The following INPPL1 variants were observed in gnomAD, a reference collection of about 807,000 sequenced individuals.
INPPL1 encodes phosphatidylinositol 3,4,5-trisphosphate 5-phosphatase 2.
INPPL1 carries 91 observed loss-of-function variants against 139.3 expected under a neutral mutation model. The observed-to-expected ratio is 0.65, with a 90% CI of 0.55 to 0.78. The LOEUF is 0.78. Among genes scored for constraint, INPPL1 ranks in the 30% least tolerant of loss-of-function variants. The pLI is 0.00. For missense variants in INPPL1, 1,411 were observed against 1,665.6 expected (o/e 0.85, Z 2.66); for synonymous variants, 719 against 686.6 (o/e 1.05, Z -0.74).
At chr11:72,229,334 A>G in intron 5 of INPPL1, 104 bp downstream of exon 5, 1 of 1,419,352 alleles carries the variant, frequency 7.0e-7, no homozygotes, top group East Asian at 2.3e-5. Flanking sequence ...TGAACAGTGA[A>G]CTAGCCATTG....
rs771090130 is a variant in INPPL1 at position 72,231,161 on chromosome 11, A to G, written c.1469A>G (p.Lys490Arg). ...EWLDLLRGGL[K>R]ELTDLDYRPI... is the part of the protein sequence containing the mutation. ...CTGGACCTACTGCGCGGGGGCCTCA[A>G]GGAGCTTACGGATCTGGATTACCGC... Residue 490 changes from lysine (K) to arginine (R), a missense_variant, in exon 12 of 28, where the codon AAG becomes AGG. Around this residue, in one of 5 missense-constraint regions of INPPL1, gnomAD observed 363 missense variants for 446.2 expected, o/e 0.81. Coordinates refer to ENST00000298229, the MANE Select transcript of INPPL1 (RefSeq NM_001567.4). 7 of 1,613,202 alleles carry G rather than the reference A, an allele frequency of 4.3e-6. No homozygotes were observed. In the African/African-American group the frequency reaches 6.7e-5, roughly 15 times the overall value.
chr11:72,225,071 G>A lies in INPPL1; in HGVS notation c.87G>A (p.Ala29=). The change falls in exon 1 of 28, where the codon GCG becomes GCA. Residue 29 remains alanine, a synonymous_variant. Coordinates refer to ENST00000298229, the MANE Select transcript of INPPL1 (RefSeq NM_001567.4). The part of the protein sequence containing the change: ...PSWYHRDLSR[A]AAEELLARAG... ...GGTACCACCGCGACCTGAGCCGGGC[G>A]GCCGCGGAGGAGCTGCTGGCCCGGG... 2 of 1,230,320 alleles carry A rather than the reference G, an allele frequency of 1.6e-6. No homozygotes were observed. Among genetic ancestry groups the A allele is most frequent in the Non-Finnish European group, 2.0e-6 (2 of 987,112 alleles). 76.2% of individuals were successfully genotyped at this position (1,230,320 alleles called of 1,614,324 possible). A position where few individuals can be genotyped will look rare whatever the true frequency, so the allele number is the denominator to read the frequency against.
At position 72,235,043 on chromosome 11, in the gene INPPL1, AG is replaced by A. The variant is rs3216093; in HGVS notation, c.2416-68del. On this transcript the variant is annotated intron_variant, in intron 21 of 27. Transcript: ENST00000298229. The surrounding 1 kb of genome is among the most constrained non-coding windows in gnomAD (Gnocchi z 4.9). ...CTGAGGGTGGGGATTGAGTGGTGTC[AG>A]GGGGCAGCGCGTAGGAGGGGCAGGA... 82,727 of 1,250,324 alleles carry A rather than the reference AG, an allele frequency of 0.066. 3,876 individuals carry two copies. Among genetic ancestry groups the A allele is most frequent in the African/African-American group, 0.21 (14,038 of 67,734 alleles). The allele number at this position is 1,250,324 out of a possible 1,614,324, so 77.5% of individuals were successfully genotyped here.
rs1949019432 is a variant in INPPL1, at chr11:72,237,438, T to C, written c.3194T>C (p.Leu1065Pro). Reference sequence around the variant, plus strand: ...CCACTGCCGGACTCAGCCATCTTCCTGCCCCCCAGCCTGGATCCTTTACCA... The same window carrying C: ...CCACTGCCGGACTCAGCCATCTTCCCGCCCCCCAGCCTGGATCCTTTACCA... ...PPPLPDSAIF[L>P]PPSLDPLPGP... Residue 1065 changes from leucine to proline, a missense_variant, in exon 26 of 28, where the codon CTG becomes CCG. Around this residue, in one of 5 missense-constraint regions of INPPL1, gnomAD observed 438 missense variants for 425.7 expected, o/e 1.03. Transcript: ENST00000298229. 1 of 1,610,686 alleles carries C rather than the reference T, an allele frequency of 6.2e-7. No homozygotes were observed. Among genetic ancestry groups the C allele is most frequent in the Non-Finnish European group, 8.5e-7 (1 of 1,177,842 alleles).
chr11:72,238,458 C>T lies in INPPL1; in HGVS notation c.*105C>T, dbSNP rs1949065575. The T allele has an allele frequency of 2.2e-6, 2 of 900,632 alleles. No homozygotes were observed. Among genetic ancestry groups the T allele is most frequent in the Non-Finnish European group, 1.6e-6 (1 of 623,650 alleles). The allele number at this position is 900,632 out of a possible 1,614,324, so 55.8% of individuals were successfully genotyped here. A position where few individuals can be genotyped will look rare whatever the true frequency, so the allele number is the denominator to read the frequency against. On this transcript the variant is annotated 3_prime_UTR_variant, in exon 28 of 28. Transcript: ENST00000298229. Reference sequence around the variant, plus strand: ...TTATGAGGGTCAGGGCAGTATCTCTCTGCCTATTTATTGGGGTGCCTATTT... The same window carrying T: ...TTATGAGGGTCAGGGCAGTATCTCTTTGCCTATTTATTGGGGTGCCTATTT...
At chr11:72,233,772 G>A (rs1185882631) in intron 19 of INPPL1, 28 bp downstream of exon 19, 2 of 1,596,888 alleles carry the variant, frequency 1.3e-6, no homozygotes, top group African/African-American at 1.3e-5. Flanking sequence ...GCTTGTGGGT[G>A]TGGCATAATC....
At position 72,234,732 on chromosome 11, in the gene INPPL1, A is replaced by AGTGT. The variant is rs112903949; in HGVS notation, c.2415+146_2415+149dup. 7.5e-3 allele frequency: 3,920 copies of AGTGT among 525,682 alleles called. 4 individuals carry two copies. Among genetic ancestry groups the AGTGT allele is most frequent in the South Asian group, 0.012 (474 of 40,024 alleles). 32.6% of individuals were successfully genotyped at this position (525,682 alleles called of 1,614,324 possible). ...GGGGCCAGCAGAGAGAGAGAGAGAG[A>AGTGT]GTGTGTGTGTGTGTGTGTGTGTGTG... On this transcript the variant is annotated intron_variant, in intron 21 of 27. Transcript: ENST00000298229. This position sits in a 1 kb window ranked among gnomAD's most constrained non-coding sequence, Gnocchi z 4.2.
In INPPL1 at chr11:72,229,500, T is replaced by C. The variant is rs1415997000; in HGVS notation, c.695T>C (p.Leu232Pro). The change falls in exon 6 of 28, where the codon CTG becomes CCG. Residue 232 changes from leucine to proline, a missense_variant. This residue lies in a region of INPPL1 where 504 missense variants were observed against 595.6 expected (regional missense o/e 0.85). Transcript: ENST00000298229. ...AAGGTCCTGTCAGGCCTGGAGATCC[T>C]GTCCAAGGTGTTTGACCAGCAGAGC... ...VDKVLSGLEI[L>P]SKVFDQQSSP... 5 of 1,614,078 alleles carry C rather than the reference T, an allele frequency of 3.1e-6. No homozygotes were observed. The highest frequency in any genetic ancestry group is 2.2e-5 in the East Asian group (1 of 44,894).
Position 72,237,166 on chromosome 11 carries a change from C to G in INPPL1, c.2922C>G (p.Ala974=), listed in dbSNP as rs200100388. 1 of 1,602,708 alleles carries G rather than the reference C, an allele frequency of 6.2e-7. No homozygotes were observed. ...CTCCTGAACCAGAAGGGGTGGCGGC[C>G]CCCCCACCCAAGAACAGCTTCAATA... ...EGAPEPEGVA[A]PPPKNSFNNP... The change falls in exon 26 of 28, where the codon GCC becomes GCG. Residue 974 remains alanine (A), a synonymous_variant. Coordinates refer to ENST00000298229, the MANE Select transcript of INPPL1 (RefSeq NM_001567.4).
Position 72,234,747 on chromosome 11 carries a change from G to GTGTGTT in INPPL1, c.2415+137_2415+138insTTGTGT. ...AGAGAGAGAGAGTGTGTGTGTGTGT[G>GTGTGTT]TGTGTGTGTGTGTGTGTATGGGCAT... On this transcript the variant is annotated intron_variant, in intron 21 of 27. Coordinates refer to ENST00000298229, the MANE Select transcript of INPPL1 (RefSeq NM_001567.4). The surrounding 1 kb of genome is among the most constrained non-coding windows in gnomAD (Gnocchi z 4.2). 1.6e-6 allele frequency: 1 copy of GTGTGTT among 644,914 alleles called. No homozygotes were observed. 39.9% of individuals were successfully genotyped at this position (644,914 alleles called of 1,614,324 possible). A position where few individuals can be genotyped will look rare whatever the true frequency, so the allele number is the denominator to read the frequency against.
In INPPL1 at chr11:72,232,916, C is replaced by A. The variant is rs61749194; in HGVS notation, c.1893C>A (p.Leu631=). 0.017 allele frequency: 27,544 copies of A among 1,614,066 alleles called. 329 individuals carry two copies. The highest frequency in any genetic ancestry group is 0.056 in the East Asian group (2,526 of 44,864). ...NYISRKEFEP[L]LRVDQLNLER... ...TCAGCAGGAAAGAGTTTGAGCCCCT[C>A]CTCAGGGTGGACCAGCTCAACCTGG... The change falls in exon 16 of 28, where the codon CTC becomes CTA. Residue 631 remains leucine, a synonymous_variant. Transcript: ENST00000298229.
At chr11:72,233,879 A>G in intron 19 of INPPL1, 135 bp downstream of exon 19, 1 of 722,038 alleles carries the variant, frequency 1.4e-6, no homozygotes, top group Non-Finnish European at 2.4e-6. Context: ...AGTGTTTCTC[A>G]AGGTGTGATG....
Position 72,228,231 on chromosome 11 carries a change from GAGA to G in INPPL1, c.228_230del (p.Glu76del), listed in dbSNP as rs755318996. 1.2e-5 allele frequency: 19 copies of G among 1,614,140 alleles called. No homozygotes were observed. The highest frequency in any genetic ancestry group is 5.0e-5 in the Admixed American group (3 of 60,020). Reference sequence around the variant, plus strand: ...CACACGTATCGCATTCTGCCTGATGGAGAAGATTTCTTGGCTGTGCAGGTAGGA... The same window carrying G: ...CACACGTATCGCATTCTGCCTGATGGAGATTTCTTGGCTGTGCAGGTAGGA... On this transcript the variant is annotated inframe_deletion, in exon 2 of 28. Transcript: ENST00000298229. The surrounding 1 kb of genome is among the most constrained non-coding windows in gnomAD (Gnocchi z 5.0).
At chr11:72,230,066 C>G (rs759673818) in intron 8 of INPPL1, 47 bp downstream of exon 8, 2 of 1,613,928 alleles carry the variant, frequency 1.2e-6, no homozygotes. Flanking sequence ...TTGGAGGTGA[C>G]CAGGGTGCTG....
chr11:72,230,656 T>A, intron 10 of INPPL1, 140 bp from the exon 11 acceptor site: 1 of 846,900 alleles, frequency 1.2e-6, no homozygotes, highest in Admixed American at 2.1e-5. Context: ...CCAGCACTGT[T>A]ATATGCTTGA....
rs1005428436 is a variant in INPPL1 at position 72,225,368 on chromosome 11, C to G, written c.182+202C>G. The G allele has an allele frequency of 3.0e-5, 30 of 985,310 alleles. No individual in the cohort carries two copies. In the East Asian group the frequency reaches 3.4e-4, roughly 11 times the overall value. 61.0% of individuals were successfully genotyped at this position (985,310 alleles called of 1,614,324 possible). Reference sequence around the variant, plus strand: ...CCTGCTGTGTGTCTGGGGGCACTTTCAGGAGCCTTGAGGGTAGAGAATATG... The same window carrying G: ...CCTGCTGTGTGTCTGGGGGCACTTTGAGGAGCCTTGAGGGTAGAGAATATG... On this transcript the variant is annotated intron_variant, in intron 1 of 27. Coordinates refer to ENST00000298229, the MANE Select transcript of INPPL1 (RefSeq NM_001567.4).
chr11:72,228,344 A>G lies in INPPL1; in HGVS notation c.247-4A>G. ...CCCTTCCTCCCACCCTTGCTGGCCC[A>G]CAGACCTCGCAGGGTGTGCCTGTGC... On this transcript the variant is annotated splice_polypyrimidine_tract_variant and splice_region_variant and intron_variant, in intron 2 of 27. Transcript: ENST00000298229. This position sits in a 1 kb window ranked among gnomAD's most constrained non-coding sequence, Gnocchi z 5.0. The G allele has an allele frequency of 6.2e-7, 1 of 1,613,708 alleles. No individual in the cohort carries two copies. The highest frequency in any genetic ancestry group is 8.5e-7 in the Non-Finnish European group (1 of 1,179,914).
chr11:72,238,338 G>A lies in INPPL1; in HGVS notation c.3762G>A (p.Leu1254=), dbSNP rs774880186. ...PAHKRLLLDT[L]QLSK ...ACAAGCGCCTCCTTCTGGACACCCT[G>A]CAGCTCAGCAAGTGATAGCGGAGGC... is the stretch of plus-strand genomic sequence containing the variant. Residue 1254 remains leucine, a synonymous_variant, in exon 28 of 28, where the codon CTG becomes CTA. Coordinates refer to ENST00000298229, the MANE Select transcript of INPPL1 (RefSeq NM_001567.4). The A allele has an allele frequency of 2.6e-6, 4 of 1,564,216 alleles. No homozygotes were observed. The Admixed American group carries it at 7.8e-5, about 30-fold the overall frequency.
At position 72,231,484 on chromosome 11, in the gene INPPL1, C is replaced by G; in HGVS notation, c.1498-14C>G. ...GTGCAGCAGGGCAGTGGTGACCATG[C>G]ACTCTCTACCCAGATTGCCATGCAA... On this transcript the variant is annotated splice_polypyrimidine_tract_variant and intron_variant, in intron 12 of 27. Transcript: ENST00000298229. 1 of 1,580,422 alleles carries G rather than the reference C, an allele frequency of 6.3e-7. No individual in the cohort carries two copies. Among genetic ancestry groups the G allele is most frequent in the South Asian group, 1.1e-5 (1 of 90,428 alleles).
Sources: gnomAD v4.1 joint callset for allele counts on GRCh38, gnomAD v4.1.1 for gene constraint, gnomAD v4.1.1 regional missense constraint, Gnocchi (gnomAD v3.1) non-coding constraint, MANE v1.5 for transcripts, NCBI Gene and HGNC (gene_info 2026-07-23, HGNC 2026-07-21) for gene names.